The following FBXL13 variants were observed in gnomAD, a reference collection of about 807,000 sequenced individuals.
FBXL13 encodes F-box and leucine rich repeat protein 13.
Under a neutral mutation model 83.6 loss-of-function variants are expected in FBXL13, and 67 were observed. The observed-to-expected ratio is 0.80, with a 90% CI of 0.66 to 0.98. The LOEUF is 0.98. Among genes scored for constraint, FBXL13 ranks in the 50% least tolerant of loss-of-function variants. The pLI, the probability that FBXL13 is intolerant of heterozygous loss-of-function variation, is 0.00. For missense variants in FBXL13, 822 were observed against 866.5 expected (o/e 0.95, Z 0.64); for synonymous variants, 272 against 299.5 (o/e 0.91, Z 0.95).
At chr7:102,873,413 C>T (rs553529282) in intron 16 of FBXL13, among the ~76,000 whole-genome samples, 2 of 152,300 alleles carry the variant, frequency 1.3e-5, no homozygotes, top group South Asian at 4.1e-4. Context: ...TCCTCACATT[C>T]AGTTGAGCTC....
chr7:102,845,118 C>A, intron 17 of FBXL13, among the ~76,000 whole-genome samples: 1 of 152,046 alleles, frequency 6.6e-6, no homozygotes, highest in East Asian at 1.9e-4. Flanking sequence ...TAGACACCAT[C>A]AATTATTAGC....
intron 6 of FBXL13, among the ~76,000 whole-genome samples, chr7:103,022,207 A>G (rs1056210679): frequency 1.3e-5 from 2 of 152,138 alleles, no homozygotes; most frequent in African/African-American, 4.8e-5. Flanking sequence ...GGAAACCATC[A>G]TTCTCAGCAA....
chr7:102,894,758 G>A (rs1812053647), intron 11 of FBXL13, among the ~76,000 whole-genome samples: 1 of 150,980 alleles, frequency 6.6e-6, no homozygotes, highest in South Asian at 2.1e-4. Flanking sequence ...GAGAGAGAGA[G>A]AGAAAATACT....
intron 10 of FBXL13, among the ~76,000 whole-genome samples, chr7:102,916,823 T>G (rs955786358): frequency 6.6e-6 from 1 of 152,130 alleles, no homozygotes; most frequent in Non-Finnish European, 1.5e-5. Context: ...CTTTGTGATT[T>G]ATTTATTTAT....
intron 16 of FBXL13, among the ~76,000 whole-genome samples, chr7:102,868,522 G>A (rs1808071091): frequency 1.3e-5 from 2 of 152,124 alleles, no homozygotes; most frequent in African/African-American, 4.8e-5. Flanking sequence ...GTATTCTATT[G>A]TGCATATATA....
chr7:103,036,802 G>C (rs571799754), intron 2 of FBXL13, among the ~76,000 whole-genome samples: 1 of 152,230 alleles, frequency 6.6e-6, no homozygotes, highest in African/African-American at 2.4e-5. Flanking sequence ...ACAAGCCACA[G>C]TGCCTGGCCC....
intron 7 of FBXL13, among the ~76,000 whole-genome samples, chr7:102,965,553 A>G (rs953627442): frequency 1.3e-5 from 2 of 152,232 alleles, no homozygotes; most frequent in African/African-American, 4.8e-5. Context: ...CATAAGTCAT[A>G]TTTGACAGTG....
intron 17 of FBXL13, among the ~76,000 whole-genome samples, chr7:102,843,195 A>G (rs574732990): frequency 6.6e-6 from 1 of 152,250 alleles, no homozygotes; most frequent in Non-Finnish European, 1.5e-5. Context: ...TGTAACCCCA[A>G]CACTTTGGGA....
At chr7:102,861,279 G>A (rs1036420642) in intron 16 of FBXL13, among the ~76,000 whole-genome samples, 1 of 151,936 alleles carries the variant, frequency 6.6e-6, no homozygotes, top group African/African-American at 2.4e-5. Flanking sequence ...TGGTTATCAT[G>A]TCTTTTTAGT....
intron 8 of FBXL13, among the ~76,000 whole-genome samples, chr7:102,956,776 C>T (rs1418856320): frequency 6.6e-6 from 1 of 152,134 alleles, no homozygotes; most frequent in Non-Finnish European, 1.5e-5. Context: ...AGTGAATTCC[C>T]ATTCACAATT....
chr7:103,025,595 G>T (rs920246465), intron 5 of FBXL13, among the ~76,000 whole-genome samples: 1 of 152,116 alleles, frequency 6.6e-6, no homozygotes, highest in African/African-American at 2.4e-5. Context: ...TAACAAAAAA[G>T]GGAAGTCAGT....
upstream of FBXL13, chr7:103,074,630 T>G: frequency 7.9e-7 from 1 of 1,265,948 alleles, no homozygotes; most frequent in Non-Finnish European, 1.0e-6. Flanking sequence ...GGGAAGTCTT[T>G]CCTGACTCCT....
At chr7:102,988,967 G>A (rs527774270) in intron 6 of FBXL13, 1 of 152,142 alleles carries the variant, frequency 6.6e-6, no homozygotes, top group African/African-American at 2.4e-5. Flanking sequence ...AACCTGGAGA[G>A]CTCCTTGCCC....
exon 15 of FBXL13, chr7:102,878,407 T>G: frequency 6.2e-7 from 1 of 1,608,616 alleles, no homozygotes; most frequent in South Asian, 1.1e-5. Context: ...ATCCTCATGC[T>G]TGCAGGACCA....
chr7:102,888,775 T>C (rs1037432196), intron 11 of FBXL13, among the ~76,000 whole-genome samples: 2 of 152,092 alleles, frequency 1.3e-5, no homozygotes, highest in African/African-American at 4.8e-5. Context: ...TTTTTATAAG[T>C]AGCCCAGAGC....
intron 16 of FBXL13, among the ~76,000 whole-genome samples, chr7:102,876,634 G>A (rs1388903687): frequency 2.0e-5 from 3 of 152,150 alleles, no homozygotes; most frequent in East Asian, 3.9e-4. Context: ...CACTGGGGCT[G>A]GAGATGCAAG....
At chr7:102,973,689 G>A (rs1827045599) in intron 6 of FBXL13, 1 of 766,414 alleles carries the variant, frequency 1.3e-6, no homozygotes. Flanking sequence ...CAGAAAGCAG[G>A]CCACAGCAGC....
rs186749269 is a variant in FBXL13 at position 102,860,105 on chromosome 7, A to G, written c.1636-5245T>C. Among the ~76,000 whole-genome samples the G allele has an allele frequency of 9.8e-5, 15 of 152,364 alleles. No individual in the cohort carries two copies. In the East Asian group the frequency reaches 2.9e-3, roughly 29 times the overall value. On this transcript the variant is annotated intron_variant, in intron 16 of 19. Transcript: ENST00000313221. ...CTCAAAAGGAAGCAAGCACCAAGTC[A>G]CAAGAACCTCGTACATTATTCTAAG...
rs539072261 is a variant in FBXL13, at chr7:102,975,791, G to A, written c.496-7674C>T. The stretch of plus-strand genomic sequence containing the variant: ...GACAACAGCCCTCAAACCCCACAAC[G>A]AGACTTTCTTAATTTAGCCTTCAAA... On this transcript the variant is annotated intron_variant, in intron 6 of 19. Transcript: ENST00000313221. 67 of 596,948 alleles carry A rather than the reference G, an allele frequency of 1.1e-4. No homozygotes were observed. In the East Asian group the frequency reaches 1.3e-3, roughly 12 times the overall value. 37.0% of individuals were successfully genotyped at this position (596,948 alleles called of 1,614,324 possible). A position where few individuals can be genotyped will look rare whatever the true frequency, so the allele number is the denominator to read the frequency against.
Sources: allele counts gnomAD v4.1 joint callset (sites outside exome capture counted in the v4.1 genomes callset), GRCh38; gene constraint gnomAD v4.1.1; transcripts MANE v1.5; gene names NCBI Gene and HGNC (gene_info 2026-07-23, HGNC 2026-07-21).